The following GPATCH1 variants were observed in gnomAD, a reference collection of about 807,000 sequenced individuals.
GPATCH1 encodes G-patch domain containing 1.
In GPATCH1, 73 loss-of-function variants were observed where a neutral mutation model predicts 114.9. The observed-to-expected ratio is 0.64, with a 90% CI of 0.53 to 0.77. The LOEUF is 0.77. Ranked by LOEUF, GPATCH1 falls within the 30% of genes least tolerant of loss-of-function variation. The pLI is 0.00. For missense variants in GPATCH1, 1,058 were observed against 1,144.3 expected, an observed-to-expected ratio of 0.92 and a Z score of 1.09; for synonymous variants, 391 against 428.4, an observed-to-expected ratio of 0.91 and a Z score of 1.08.
chr19:33,093,337 TTC>T lies in GPATCH1; in HGVS notation c.295-20_295-19del, dbSNP rs766613213. On this transcript the variant is annotated intron_variant, in intron 3 of 19. Transcript: ENST00000170564. ...TATAGTCACTTTCCAAATAATGTAA[TTC>T]TGTTTGAATTTTTTTGAAGGATCTT... The T allele has an allele frequency of 6.4e-6, 10 of 1,552,832 alleles. No individual in the cohort carries two copies. The highest frequency in any genetic ancestry group is 2.2e-5 in the East Asian group (1 of 44,606).
Position 33,125,216 on chromosome 19 carries a change from G to A in GPATCH1, c.2619+14G>A, listed in dbSNP as rs200764603. 7.6e-4 allele frequency: 1,199 copies of A among 1,581,794 alleles called. 4 individuals carry two copies. The highest frequency in any genetic ancestry group is 2.6e-3 in the South Asian group (229 of 86,740). ...AAGAAAGAGAAGGTGAGAGACTTGTGTGTACCCCAGGATCAGTGTGGGGTG... is the reference window on the plus strand; with the variant it reads ...AAGAAAGAGAAGGTGAGAGACTTGTATGTACCCCAGGATCAGTGTGGGGTG... On this transcript the variant is annotated intron_variant, in intron 18 of 19. Coordinates refer to ENST00000170564, the MANE Select transcript of GPATCH1 (RefSeq NM_018025.3).
intron 15 of GPATCH1, among the ~76,000 whole-genome samples, chr19:33,114,740 T>G (rs1249533946): frequency 1.3e-5 from 2 of 152,052 alleles, no homozygotes; most frequent in African/African-American, 4.8e-5. Flanking sequence ...ATTTTTGCCT[T>G]ATGTATTTTG....
rs571137784 is a variant in GPATCH1, at chr19:33,115,086, C to T, written c.2196+667C>T. Among the ~76,000 whole-genome samples the T allele has an allele frequency of 2.7e-4, 40 of 148,042 alleles. No homozygotes were observed. In the South Asian group the frequency reaches 4.7e-3, roughly 18 times the overall value. ...ATCTTTTTTTTTTTTTCTCTGACACCGGCTTTTACTCTGTGCCCAGGCTGG... is the reference window on the plus strand; with the variant it reads ...ATCTTTTTTTTTTTTTCTCTGACACTGGCTTTTACTCTGTGCCCAGGCTGG... On this transcript the variant is annotated intron_variant, in intron 15 of 19. Coordinates refer to ENST00000170564, the MANE Select transcript of GPATCH1 (RefSeq NM_018025.3).
chr19:33,097,596 T>A (rs1972676439), intron 7 of GPATCH1, among the ~76,000 whole-genome samples, 159 bp from the exon 8 acceptor site: 1 of 152,108 alleles, frequency 6.6e-6, no homozygotes. Context: ...AGAAAACTTG[T>A]GTGTGTGTTG....
At position 33,120,548 on chromosome 19, in the gene GPATCH1, C is replaced by CAA. The variant is rs58579147; in HGVS notation, c.2521+1449_2521+1450dup. 3.9e-3 allele frequency among the ~76,000 whole-genome samples: 283 copies of CAA among 72,922 alleles called. 1 individual carries two copies. Among genetic ancestry groups the CAA allele is most frequent in the Admixed American group, 0.014 (83 of 5,780 alleles). The allele number at this position is 72,922 out of a possible 152,430, so 47.8% of individuals were successfully genotyped here. Reference sequence around the variant, plus strand: ...TGGGTGACAGAGCAAGACTCTGTCTCAAAAAAAAAAAAAAAAAAAGGTAAA... The same window carrying CAA: ...TGGGTGACAGAGCAAGACTCTGTCTCAAAAAAAAAAAAAAAAAAAAAGGTAAA... On this transcript the variant is annotated intron_variant, in intron 17 of 19. Coordinates refer to ENST00000170564, the MANE Select transcript of GPATCH1 (RefSeq NM_018025.3).
intron 15 of GPATCH1, among the ~76,000 whole-genome samples, chr19:33,114,997 G>A (rs1048197818): frequency 1.4e-5 from 2 of 147,906 alleles, no homozygotes; most frequent in East Asian, 2.0e-4. Flanking sequence ...TAGTAGAGAT[G>A]GGGTTTCACC....
intron 9 of GPATCH1, among the ~76,000 whole-genome samples, chr19:33,106,040 G>A (rs1972780881): frequency 6.6e-6 from 1 of 151,888 alleles, no homozygotes; most frequent in Non-Finnish European, 1.5e-5. Context: ...GTAGAGATGG[G>A]GTTTCACCAT....
intron 9 of GPATCH1, among the ~76,000 whole-genome samples, chr19:33,105,941 G>A (rs189713674): frequency 4.0e-5 from 6 of 151,542 alleles, no homozygotes; most frequent in African/African-American, 9.7e-5. Context: ...TCTGCCTCCC[G>A]GGTTTACGCG....
At chr19:33,120,009 A>G (rs987243437) in intron 17 of GPATCH1, among the ~76,000 whole-genome samples, 6 of 141,408 alleles carry the variant, frequency 4.2e-5, no homozygotes, top group African/African-American at 1.3e-4. Context: ...TATATTTTAT[A>G]TATTTTATAT....
intron 15 of GPATCH1, among the ~76,000 whole-genome samples, chr19:33,116,717 G>T (rs1972919768): frequency 6.6e-6 from 1 of 152,144 alleles, no homozygotes; most frequent in South Asian, 2.1e-4. Context: ...TTTTAGTAGA[G>T]ACGGGGTTTT....
intron 18 of GPATCH1, 107 bp from the exon 19 acceptor site, chr19:33,126,481 A>AT: frequency 1.3e-6 from 2 of 1,526,200 alleles, no homozygotes; most frequent in Non-Finnish European, 8.8e-7. Flanking sequence ...AGGTTTAAAC[A>AT]TTTTTTTGAA....
intron 2 of GPATCH1, among the ~76,000 whole-genome samples, chr19:33,088,658 CTT>C (rs10658695): frequency 2.6e-4 from 25 of 96,158 alleles, no homozygotes; most frequent in Admixed American, 3.5e-4. Flanking sequence ...GCCACCTTTG[CTT>C]TTTTTTTTTT....
chr19:33,118,918 A>G (rs1972945614), intron 16 of GPATCH1, 92 bp from the exon 17 acceptor site: 2 of 715,962 alleles, frequency 2.8e-6, no homozygotes, highest in African/African-American at 1.8e-5. Flanking sequence ...GTGGGCAAGC[A>G]TATGTTATCT....
At chr19:33,108,666 A>G (rs894779725) in intron 10 of GPATCH1, among the ~76,000 whole-genome samples, 2 of 150,986 alleles carry the variant, frequency 1.3e-5, no homozygotes, top group African/African-American at 2.4e-5. Context: ...GCCCTCCTCT[A>G]TTGAGGGCCA....
chr19:33,121,992 T>C (rs1321820825), intron 17 of GPATCH1, among the ~76,000 whole-genome samples: 1 of 152,192 alleles, frequency 6.6e-6, no homozygotes, highest in African/African-American at 2.4e-5. Context: ...GTATTTCTTA[T>C]TTGCTATAGT....
rs915681581 is a variant in GPATCH1, at chr19:33,112,523, A to C, written c.1802A>C (p.Lys601Thr). Residue 601 changes from lysine to threonine, a missense_variant, in exon 13 of 20, where the codon AAG (lysine) becomes ACG (threonine). Coordinates refer to ENST00000170564, the MANE Select transcript of GPATCH1 (RefSeq NM_018025.3). ...GATAAGCAGTCGGCTGTGAAGATGA[A>C]GATGTTTGGGAAGCTCACCCGAGAC... ...VGDKQSAVKM[K>T]MFGKLTRDTF... The C allele has an allele frequency of 6.2e-7, 1 of 1,614,048 alleles. No homozygotes were observed. The highest frequency in any genetic ancestry group is 8.5e-7 in the Non-Finnish European group (1 of 1,179,974).
At chr19:33,114,883 A>G (rs1211724487) in intron 15 of GPATCH1, among the ~76,000 whole-genome samples, 2 of 143,116 alleles carry the variant, frequency 1.4e-5, no homozygotes, top group African/African-American at 2.6e-5. Flanking sequence ...GCTCACTGCA[A>G]GCTCTGCCTC....
intron 1 of GPATCH1, among the ~76,000 whole-genome samples, chr19:33,087,570 A>G (rs1164354857): frequency 1.3e-5 from 2 of 152,166 alleles, no homozygotes; most frequent in Non-Finnish European, 2.9e-5. Flanking sequence ...GTGACGTTCT[A>G]GAAGAGGTAT....
In GPATCH1 at chr19:33,126,584, A is replaced by G; in HGVS notation, c.2620-4A>G. 6.2e-7 allele frequency: 1 copy of G among 1,610,976 alleles called. No homozygotes were observed. Among genetic ancestry groups the G allele is most frequent in the Middle Eastern group, 1.7e-4 (1 of 6,056 alleles). On this transcript the variant is annotated splice_region_variant and splice_polypyrimidine_tract_variant and intron_variant, in intron 18 of 19. Coordinates refer to ENST00000170564, the MANE Select transcript of GPATCH1 (RefSeq NM_018025.3). ...TTTCCCCCACCACTATTTGTTTTTT[A>G]CAGAAAAAGAAACACAGGAAGCACA...
Sources: gnomAD v4.1 joint callset for allele counts (sites outside exome capture counted in the v4.1 genomes callset) on GRCh38, gnomAD v4.1.1 for gene constraint, MANE v1.5 for transcripts, NCBI Gene and HGNC (gene_info 2026-07-23, HGNC 2026-07-21) for gene names.